The following ZNF558 variants were observed in gnomAD, a reference collection of about 807,000 sequenced individuals.
The protein encoded by ZNF558 is zinc finger protein 558.
In ZNF558, 23 loss-of-function variants were observed where a neutral mutation model predicts 37.6. The observed-to-expected ratio is 0.61, with a 90% CI of 0.44 to 0.87. The LOEUF is 0.87. ZNF558 is among the 40% of genes least tolerant of loss of function. ZNF558 has a pLI of 0.00. For missense variants in ZNF558, 429 were observed against 483.7 expected, an observed-to-expected ratio of 0.89 and a Z score of 1.06; for synonymous variants, 189 against 174.4, an observed-to-expected ratio of 1.08 and a Z score of -0.66.
At position 8,813,220 on chromosome 19, in the gene ZNF558, A is replaced by G. The variant is rs1568462934; in HGVS notation, c.250T>C (p.Cys84Arg). Residue 84 changes from cysteine (C) to arginine (R), a missense_variant and splice_region_variant, in exon 8 of 10, where the codon TGT (cysteine) becomes CGT (arginine). Physicochemically the swap from Cys to Arg is radical, Grantham distance 180 (BLOSUM62 -3). Transcript: ENST00000601372. ...ENCRNLASLG[C>R]RVNKPSLISQ... ...ATCAGACTGGGTTTATTAACACGAC[A>G]CCCTATTTATGGAAACAATACACAT... The G allele has an allele frequency of 6.3e-7, 1 of 1,585,580 alleles. No homozygotes were observed. The highest frequency in any genetic ancestry group is 1.8e-5 in the Admixed American group (1 of 55,588).
chr19:8,837,314 A>G (rs1255228915), upstream of ZNF558, among the ~76,000 whole-genome samples: 2 of 152,248 alleles, frequency 1.3e-5, no homozygotes, highest in African/African-American at 4.8e-5. Flanking sequence ...GAAGATTAGT[A>G]ACAATGGCAA....
At chr19:8,835,208 C>T (rs540656139), upstream of ZNF558, among the ~76,000 whole-genome samples, 19 of 152,212 alleles carry the variant, frequency 1.2e-4, no homozygotes, top group East Asian at 2.3e-3. Flanking sequence ...TTCACCACCA[C>T]GCCTGGCTAA....
At position 8,820,805 on chromosome 19, in the gene ZNF558, C is replaced by T. The variant is rs912373032; in HGVS notation, c.247+375G>A. Reference sequence around the variant, plus strand: ...GCTAAGTTTTTAAAACACTGTGCTACATGAAAAGTCAGACACAAAAGGTAA... The same window carrying T: ...GCTAAGTTTTTAAAACACTGTGCTATATGAAAAGTCAGACACAAAAGGTAA... On this transcript the variant is annotated intron_variant, in intron 7 of 9. Transcript: ENST00000601372. 5.4e-4 allele frequency among the ~76,000 whole-genome samples: 82 copies of T among 152,098 alleles called. 1 individual carries two copies. The highest frequency in any genetic ancestry group is 1.1e-3 in the Non-Finnish European group (75 of 68,020).
At position 8,825,086 on chromosome 19, in the gene ZNF558, T is replaced by C. The variant is rs1206615153; in HGVS notation, c.-486A>G. The C allele has an allele frequency of 1.3e-5, 2 of 152,266 alleles. No homozygotes were observed. Among genetic ancestry groups the C allele is most frequent in the East Asian group, 3.8e-4 (2 of 5,198 alleles). 9.4% of individuals were successfully genotyped at this position (152,266 alleles called of 1,614,324 possible). On this transcript the variant is annotated 5_prime_UTR_variant, in exon 3 of 10. Coordinates refer to ENST00000601372, the MANE Select transcript of ZNF558 (RefSeq NM_144693.3). ...ACACAGTGGCCCACACTCTTCATTC[T>C]CACACACTGCTGGGGGTAACCCCTA...
At chr19:8,832,339 G>C (rs569934613), upstream of ZNF558, 3 of 152,354 alleles carry the variant, frequency 2.0e-5, no homozygotes, top group African/African-American at 7.2e-5. Context: ...GGGGAGAGGT[G>C]CGCTGCACGT....
chr19:8,822,091 G>A lies in ZNF558; in HGVS notation c.32C>T (p.Ala11Val). MAAVILPSTAAPSSLFPASQQ... is the reference protein window; with the variant it reads MAAVILPSTAVPSSLFPASQQ... The stretch of plus-strand genomic sequence containing the variant: ...AGAGGCTGGGAACAGGGAAGACGGA[G>A]CTGGAGGAGGAGAAATGAGTCCCAT... Residue 11 changes from alanine to valine, a missense_variant and splice_region_variant, in exon 6 of 10, where the codon GCT (alanine) becomes GTT (valine). Transcript: ENST00000601372. This position sits in a 1 kb window ranked among gnomAD's most constrained non-coding sequence, Gnocchi z 4.4. 2 of 1,614,038 alleles carry A rather than the reference G, an allele frequency of 1.2e-6. No individual in the cohort carries two copies. The highest frequency in any genetic ancestry group is 1.7e-6 in the Non-Finnish European group (2 of 1,179,952).
intron 8 of ZNF558, 54 bp from the exon 9 acceptor site, chr19:8,812,697 G>C: frequency 8.5e-7 from 1 of 1,172,208 alleles, no homozygotes; most frequent in African/African-American, 1.5e-5. Context: ...ATGGAAAAGT[G>C]TACACATGAG....
rs551593084 is a variant in ZNF558, at chr19:8,814,510, T to A, written c.248-1288A>T. Among the ~76,000 whole-genome samples the A allele has an allele frequency of 2.6e-5, 4 of 152,068 alleles. 1 individual carries two copies. The South Asian group carries it at 8.3e-4, about 32-fold the overall frequency. On this transcript the variant is annotated intron_variant, in intron 7 of 9. Transcript: ENST00000601372. Reference sequence around the variant, plus strand: ...AATGGGGAAAAAGATGTTTGGGGAGTAGGACTTTGAAAATCTTCCTCATAT... The same window carrying A: ...AATGGGGAAAAAGATGTTTGGGGAGAAGGACTTTGAAAATCTTCCTCATAT...
Position 8,812,080 on chromosome 19 carries a change from G to T in ZNF558, c.427-17C>A. ...ACTTCTTTCCTGTGGATTAAGAGATGAATGATAACTATAATTTATAATATT... is the reference window on the plus strand; with the variant it reads ...ACTTCTTTCCTGTGGATTAAGAGATTAATGATAACTATAATTTATAATATT... On this transcript the variant is annotated splice_polypyrimidine_tract_variant and intron_variant, in intron 9 of 9. Coordinates refer to ENST00000601372, the MANE Select transcript of ZNF558 (RefSeq NM_144693.3). 2.0e-6 allele frequency: 3 copies of T among 1,515,808 alleles called. No homozygotes were observed. The highest frequency in any genetic ancestry group is 2.7e-6 in the Non-Finnish European group (3 of 1,132,066). 93.9% of individuals were successfully genotyped at this position (1,515,808 alleles called of 1,614,324 possible). A position where few individuals can be genotyped will look rare whatever the true frequency, so the allele number is the denominator to read the frequency against.
the ZNF558 span, among the ~76,000 whole-genome samples, chr19:8,837,835 G>A: frequency 6.6e-6 from 1 of 152,090 alleles, no homozygotes; most frequent in Non-Finnish European, 1.5e-5. Flanking sequence ...CCATATTTTG[G>A]TTAGTAAGGA....
intron 1 of ZNF558, among the ~76,000 whole-genome samples, chr19:8,831,693 T>C (rs1324441348): frequency 6.6e-6 from 1 of 152,220 alleles, no homozygotes; most frequent in Non-Finnish European, 1.5e-5. Context: ...AAAAATATCT[T>C]GTCACTTAGA....
chr19:8,822,032 C>T lies in ZNF558; in HGVS notation c.91G>A (p.Val31Ile). The T allele has an allele frequency of 6.2e-7, 1 of 1,614,040 alleles. No homozygotes were observed. Among genetic ancestry groups the T allele is most frequent in the South Asian group, 1.1e-5 (1 of 91,074 alleles). ...QKGHTQGGEL[V>I]NELLTSWLRG... ...AGCCAGCTTGTCAGGAGCTCATTAA[C>T]CAGCTCTCCGCCCTGTGTGTGTCCT... The change falls in exon 6 of 10, where the codon GTT becomes ATT. Residue 31 changes from valine (V) to isoleucine (I), a missense_variant. Transcript: ENST00000601372. This position sits in a 1 kb window ranked among gnomAD's most constrained non-coding sequence, Gnocchi z 4.4.
chr19:8,813,601 G>T (rs250314), intron 7 of ZNF558, among the ~76,000 whole-genome samples: 1 of 152,118 alleles, frequency 6.6e-6, no homozygotes, highest in South Asian at 2.1e-4. Context: ...TCCTGGCCTC[G>T]TGATCCACCC....
chr19:8,816,233 A>AT (rs991206886), intron 7 of ZNF558, among the ~76,000 whole-genome samples: 1 of 151,952 alleles, frequency 6.6e-6, no homozygotes, highest in Admixed American at 6.6e-5. Flanking sequence ...CGTCTGACTA[A>AT]TTTTTTAATT....
intron 2 of ZNF558, among the ~76,000 whole-genome samples, chr19:8,826,998 G>A (rs1290033859): frequency 6.6e-6 from 1 of 152,278 alleles, no homozygotes; most frequent in East Asian, 1.9e-4. Context: ...GCTGGGGAGT[G>A]AGGGGGGGTT....
rs2044199324 is a variant in ZNF558, at chr19:8,825,022, C to G, written c.-422G>C. ...CTCACCAGGGAGACGTGGATTGCAGCAACTCTGGCGCTATTTCCTATCTGG... is the reference window on the plus strand; with the variant it reads ...CTCACCAGGGAGACGTGGATTGCAGGAACTCTGGCGCTATTTCCTATCTGG... On this transcript the variant is annotated 5_prime_UTR_variant, in exon 3 of 10. Transcript: ENST00000601372. The G allele has an allele frequency of 6.6e-6, 1 of 152,288 alleles. No homozygotes were observed. The allele number at this position is 152,288 out of a possible 1,614,324, so 9.4% of individuals were successfully genotyped here. A position where few individuals can be genotyped will look rare whatever the true frequency, so the allele number is the denominator to read the frequency against.
intron 2 of ZNF558, among the ~76,000 whole-genome samples, chr19:8,827,294 T>C (rs2044253092): frequency 6.6e-6 from 1 of 152,220 alleles, no homozygotes; most frequent in African/African-American, 2.4e-5. Flanking sequence ...GAAATGTGAC[T>C]AGTATGGCTG....
chr19:8,814,548 G>A (rs1240109026), intron 7 of ZNF558, among the ~76,000 whole-genome samples: 6 of 152,144 alleles, frequency 3.9e-5, no homozygotes, highest in Non-Finnish European at 7.3e-5. Context: ...TTAAGAACCT[G>A]TAATTCCAAG....
intron 7 of ZNF558, among the ~76,000 whole-genome samples, chr19:8,813,464 T>C (rs1225861588): frequency 6.6e-6 from 1 of 152,188 alleles, no homozygotes; most frequent in Non-Finnish European, 1.5e-5. Context: ...GTTCAAGCGA[T>C]TCTCCTGCCT....
Sources: allele counts gnomAD v4.1 joint callset (sites outside exome capture counted in the v4.1 genomes callset), GRCh38; gene constraint gnomAD v4.1.1; non-coding constraint Gnocchi (gnomAD v3.1); transcripts MANE v1.5; gene names NCBI Gene and HGNC (gene_info 2026-07-23, HGNC 2026-07-21).